CSMD1: variants seen among roughly 807,000 people sequenced by gnomAD.
CSMD1 encodes the protein CUB and sushi domain-containing protein 1.
A neutral mutation model predicts 417.5 loss-of-function variants in CSMD1; 213 were observed. That is an observed-to-expected ratio of 0.51 (90% CI 0.46 to 0.57). The LOEUF is 0.57. CSMD1 is among the 20% of genes least tolerant of loss of function. The pLI is 0.00. For synonymous variants in CSMD1, 2,862 were observed against 1,736.8 expected, an observed-to-expected ratio of 1.65 and a Z score of -16.11; for missense variants, 6,923 against 4,529.7, an observed-to-expected ratio of 1.53 and a Z score of -15.17.
chr8:3,752,152 A>G (rs969157757), intron 6 of CSMD1, among the ~76,000 whole-genome samples: 1 of 152,120 alleles, frequency 6.6e-6, no homozygotes, highest in African/African-American at 2.4e-5. Flanking sequence ...CAGCCACAGT[A>G]TATGGCAGTC....
At chr8:3,760,767 T>C (rs1797950008) in intron 5 of CSMD1, among the ~76,000 whole-genome samples, 1 of 152,172 alleles carries the variant, frequency 6.6e-6, no homozygotes. Flanking sequence ...ATCAGAGAAA[T>C]GTCTGGGGGT....
intron 5 of CSMD1, among the ~76,000 whole-genome samples, chr8:3,861,198 G>C (rs115403116): frequency 6.6e-6 from 1 of 152,118 alleles, no homozygotes; most frequent in Non-Finnish European, 1.5e-5. Context: ...TTGGCAACGA[G>C]GTTCAGTTGT....
intron 11 of CSMD1, among the ~76,000 whole-genome samples, chr8:3,477,775 G>A (rs1191695409): frequency 6.6e-6 from 1 of 152,120 alleles, no homozygotes; most frequent in African/African-American, 2.4e-5. Context: ...AGGAGGTACT[G>A]AGAGCAAGTA....
chr8:3,680,388 A>G (rs1257157520), intron 7 of CSMD1, among the ~76,000 whole-genome samples: 1 of 152,202 alleles, frequency 6.6e-6, no homozygotes, highest in African/African-American at 2.4e-5. Context: ...ACAAACTACC[A>G]TCAGAGAATA....
chr8:4,252,158 A>T (rs924271077), intron 3 of CSMD1, among the ~76,000 whole-genome samples: 1 of 152,138 alleles, frequency 6.6e-6, no homozygotes, highest in East Asian at 1.9e-4. Context: ...TTCTTTCAGG[A>T]TATATAGAAA....
intron 1 of CSMD1, among the ~76,000 whole-genome samples, chr8:4,945,042 T>C (rs1808277436): frequency 6.6e-6 from 1 of 152,156 alleles, no homozygotes; most frequent in Non-Finnish European, 1.5e-5. Context: ...AAAGGTGGTC[T>C]CTTCACACGA....
intron 12 of CSMD1, among the ~76,000 whole-genome samples, chr8:3,413,153 G>C (rs1210307368): frequency 6.6e-6 from 1 of 152,144 alleles, no homozygotes; most frequent in Non-Finnish European, 1.5e-5. Flanking sequence ...TATTGCACTG[G>C]AAATACAATT....
chr8:3,681,470 T>C (rs1055219748), intron 7 of CSMD1, among the ~76,000 whole-genome samples: 1 of 152,082 alleles, frequency 6.6e-6, no homozygotes, highest in African/African-American at 2.4e-5. Context: ...TACCTAGGAA[T>C]CCAGCTTACA....
At chr8:4,966,884 C>G (rs982825913) in intron 1 of CSMD1, among the ~76,000 whole-genome samples, 2 of 152,138 alleles carry the variant, frequency 1.3e-5, no homozygotes, top group African/African-American at 4.8e-5. Flanking sequence ...TATTCACAAG[C>G]ACGGTTAAAA....
intron 15 of CSMD1, among the ~76,000 whole-genome samples, chr8:3,399,921 G>A (rs550645676): frequency 6.6e-6 from 1 of 152,170 alleles, no homozygotes; most frequent in East Asian, 1.9e-4. Context: ...TCTCAAGATG[G>A]ATACATATAC....
intron 2 of CSMD1, among the ~76,000 whole-genome samples, chr8:4,627,008 A>T (rs1425168453): frequency 1.3e-5 from 2 of 152,198 alleles, no homozygotes; most frequent in Non-Finnish European, 2.9e-5. Context: ...TAATTGCTTC[A>T]TACTCTAAGT....
chr8:3,623,467 G>C (rs972886560), intron 7 of CSMD1, among the ~76,000 whole-genome samples: 4 of 152,200 alleles, frequency 2.6e-5, no homozygotes, highest in Admixed American at 2.0e-4. Flanking sequence ...AAATCAATTA[G>C]TGGAGATAAG....
intron 3 of CSMD1, among the ~76,000 whole-genome samples, chr8:4,164,601 A>T (rs1157892490): frequency 1.3e-5 from 2 of 152,212 alleles, no homozygotes; most frequent in African/African-American, 4.8e-5. Context: ...GTAGTAATTT[A>T]TTTAGGTACC....
intron 5 of CSMD1, among the ~76,000 whole-genome samples, chr8:3,881,318 A>G (rs1297808937): frequency 2.6e-5 from 4 of 151,308 alleles, no homozygotes; most frequent in Non-Finnish European, 5.9e-5. Flanking sequence ...TGAAGCAAAG[A>G]AGACTGAATA....
At chr8:4,332,575 ACACACACACACACACACACAC>A (rs1799929498) in intron 3 of CSMD1, among the ~76,000 whole-genome samples, 1 of 133,712 alleles carries the variant, frequency 7.5e-6, no homozygotes, top group Non-Finnish European at 1.5e-5. Context: ...ACACACACAC[ACACACACACACACACACACAC>A]ACACACACAC....
At chr8:3,918,668 T>C (rs1370710298) in intron 5 of CSMD1, among the ~76,000 whole-genome samples, 1 of 152,148 alleles carries the variant, frequency 6.6e-6, no homozygotes, top group Non-Finnish European at 1.5e-5. Context: ...CTGAGGTATA[T>C]GTTTATATGA....
chr8:3,877,603 G>C (rs1805910869), intron 5 of CSMD1, among the ~76,000 whole-genome samples: 1 of 152,128 alleles, frequency 6.6e-6, no homozygotes, highest in African/African-American at 2.4e-5. Flanking sequence ...CTAACAACCA[G>C]AATCCACAAT....
chr8:4,209,371 C>A (rs964350385), intron 3 of CSMD1, among the ~76,000 whole-genome samples: 10 of 152,146 alleles, frequency 6.6e-5, no homozygotes, highest in African/African-American at 2.4e-4. Flanking sequence ...CACATAGATT[C>A]CCATCCTTCT....
intron 3 of CSMD1, among the ~76,000 whole-genome samples, chr8:4,334,512 A>G (rs907336634): frequency 7.9e-5 from 12 of 152,158 alleles, no homozygotes; most frequent in Non-Finnish European, 1.5e-4. Context: ...GTCCCTATAA[A>G]TGCATGAGCT....
Sources: gnomAD v4.1 joint callset for allele counts (sites outside exome capture counted in the v4.1 genomes callset) on GRCh38, gnomAD v4.1.1 for gene constraint, MANE v1.5 for transcripts, NCBI Gene and HGNC (gene_info 2026-07-23, HGNC 2026-07-21) for gene names.